The following EPB41L4A variants were observed in gnomAD, a reference collection of about 807,000 sequenced individuals.
EPB41L4A encodes the protein band 4.1-like protein 4A.
A neutral mutation model predicts 108.6 loss-of-function variants in EPB41L4A; 100 were observed. That is an observed-to-expected ratio of 0.92 (90% CI 0.78 to 1.09). The LOEUF is 1.09. Ranked by LOEUF, EPB41L4A falls within the 50% of genes least tolerant of loss-of-function variation. The pLI is 0.00. For missense variants in EPB41L4A, 1,030 were observed against 842.7 expected (o/e 1.22, Z -2.75); for synonymous variants, 319 against 289.0 (o/e 1.10, Z -1.05).
intron 1 of EPB41L4A, among the ~76,000 whole-genome samples, chr5:112,388,425 G>A (rs1678062294): frequency 6.6e-6 from 1 of 152,150 alleles, no homozygotes; most frequent in African/African-American, 2.4e-5. Flanking sequence ...GCTAATGGAG[G>A]TTTTTAACTT....
chr5:112,204,655 GATCTGGCAAATCAA>G (rs1762385152), intron 14 of EPB41L4A, 167 bp from the exon 15 acceptor site: 1 of 477,730 alleles, frequency 2.1e-6, no homozygotes. Context: ...AAAGAGGTAA[GATCTGGCAAATCAA>G]ATCATAAAGG....
intron 1 of EPB41L4A, among the ~76,000 whole-genome samples, chr5:112,340,666 A>G (rs932415663): frequency 6.6e-6 from 1 of 152,122 alleles, no homozygotes; most frequent in African/African-American, 2.4e-5. Context: ...TATTATTTTT[A>G]CCTTTTATAT....
intron 12 of EPB41L4A, among the ~76,000 whole-genome samples, chr5:112,226,704 A>G (rs1748479713): frequency 6.6e-6 from 1 of 152,066 alleles, no homozygotes; most frequent in Admixed American, 6.5e-5. Flanking sequence ...TAAAAAAAAA[A>G]ATCAGAGAAG....
chr5:112,354,164 T>C (rs1318944703), intron 1 of EPB41L4A, among the ~76,000 whole-genome samples: 1 of 152,188 alleles, frequency 6.6e-6, no homozygotes, highest in East Asian at 1.9e-4. Context: ...CATTGATGTG[T>C]ATACAAAGGT....
chr5:112,263,604 A>T (rs906562520), intron 6 of EPB41L4A: 1 of 152,164 alleles, frequency 6.6e-6, no homozygotes, highest in Admixed American at 6.5e-5. Flanking sequence ...TCCTAATGTT[A>T]TAACAAGCAC....
intron 4 of EPB41L4A, among the ~76,000 whole-genome samples, chr5:112,274,838 C>G (rs1273944300): frequency 6.6e-6 from 1 of 152,150 alleles, no homozygotes; most frequent in African/African-American, 2.4e-5. Context: ...TGCATTAAAA[C>G]ATTGGTTTCC....
At chr5:112,405,616 A>G (rs1332957137) in intron 1 of EPB41L4A, among the ~76,000 whole-genome samples, 1 of 152,192 alleles carries the variant, frequency 6.6e-6, no homozygotes, top group African/African-American at 2.4e-5. Context: ...TTACCACCCT[A>G]GAATCTGAAA....
chr5:112,215,168 CA>C (rs1747526720), intron 12 of EPB41L4A, among the ~76,000 whole-genome samples: 1 of 152,040 alleles, frequency 6.6e-6, no homozygotes, highest in Admixed American at 6.5e-5. Context: ...AAAAGTAAAA[CA>C]AAAACTATTA....
intron 1 of EPB41L4A, among the ~76,000 whole-genome samples, chr5:112,353,501 T>G (rs532017283): frequency 2.0e-5 from 3 of 151,052 alleles, no homozygotes; most frequent in East Asian, 3.9e-4. Flanking sequence ...AGCAGGCCAG[T>G]CCCCAGGCAG....
chr5:112,320,370 A>G (rs1221611284), intron 1 of EPB41L4A, among the ~76,000 whole-genome samples: 3 of 152,218 alleles, frequency 2.0e-5, no homozygotes, highest in African/African-American at 7.2e-5. Context: ...ATGATACATT[A>G]TAACTTTCCC....
intron 4 of EPB41L4A, among the ~76,000 whole-genome samples, chr5:112,267,828 G>A (rs1421184633): frequency 1.3e-5 from 2 of 151,804 alleles, no homozygotes; most frequent in African/African-American, 4.8e-5. Flanking sequence ...TTTGCCTTTA[G>A]GATAAAGTTC....
intron 1 of EPB41L4A, among the ~76,000 whole-genome samples, chr5:112,343,087 G>A (rs541109371): frequency 3.0e-4 from 45 of 152,196 alleles, no homozygotes; most frequent in Non-Finnish European, 3.7e-4. Context: ...GGGAATAACA[G>A]ACAGTTGGCT....
chr5:112,227,590 T>C (rs976069166), intron 12 of EPB41L4A, among the ~76,000 whole-genome samples: 1 of 152,256 alleles, frequency 6.6e-6, no homozygotes, highest in South Asian at 2.1e-4. Flanking sequence ...ACCAGCAAAG[T>C]ACCAGGATCC....
intron 13 of EPB41L4A, among the ~76,000 whole-genome samples, chr5:112,206,360 G>T (rs561688029): frequency 1.3e-5 from 2 of 149,550 alleles, no homozygotes; most frequent in South Asian, 4.2e-4. Flanking sequence ...AGATGACGAG[G>T]TATTAAAAAA....
chr5:112,223,361 G>A (rs1388799806), intron 12 of EPB41L4A, among the ~76,000 whole-genome samples: 1 of 152,032 alleles, frequency 6.6e-6, no homozygotes, highest in Non-Finnish European at 1.5e-5. Flanking sequence ...AGTAACTTAT[G>A]GCCAAACAGA....
At chr5:112,142,591 G>C (rs1759106949) in exon 14 of EPB41L4A, 1 of 152,220 alleles carries the variant, frequency 6.6e-6, no homozygotes, top group Non-Finnish European at 1.5e-5. Flanking sequence ...AGTAATCTAA[G>C]AACAGATTTA....
chr5:112,385,749 C>G (rs1056098202), intron 1 of EPB41L4A, among the ~76,000 whole-genome samples: 1 of 152,090 alleles, frequency 6.6e-6, no homozygotes, highest in Non-Finnish European at 1.5e-5. Flanking sequence ...CCAACCTCCC[C>G]AATATATTTT....
intron 15 of EPB41L4A, among the ~76,000 whole-genome samples, chr5:112,203,978 G>A (rs942580572): frequency 2.6e-5 from 4 of 151,854 alleles, no homozygotes; most frequent in Non-Finnish European, 5.9e-5. Context: ...GGCGGAGGTT[G>A]CAGTGAGCTG....
At position 112,305,630 on chromosome 5, in the gene EPB41L4A, C is replaced by G. The variant is rs145408191; in HGVS notation, c.204+1756G>C. 7.1e-3 allele frequency among the ~76,000 whole-genome samples: 1,083 copies of G among 152,202 alleles called. 7 individuals are homozygous for G. Among genetic ancestry groups the G allele is most frequent in the African/African-American group, 0.025 (1,040 of 41,542 alleles). On this transcript the variant is annotated intron_variant, in intron 2 of 22. Coordinates refer to ENST00000261486, the MANE Select transcript of EPB41L4A (RefSeq NM_022140.5). ...CAAGATGAAGTACAAAATTTCATTA[C>G]ATTATTCTCAGAGCCTCCTACAATT... is the stretch of plus-strand genomic sequence containing the variant.
Sources: gnomAD v4.1 joint callset for allele counts (sites outside exome capture counted in the v4.1 genomes callset) on GRCh38, gnomAD v4.1.1 for gene constraint, MANE v1.5 for transcripts, NCBI Gene and HGNC (gene_info 2026-07-23, HGNC 2026-07-21) for gene names.